The following NUBP1 variants were observed in gnomAD, a reference collection of about 807,000 sequenced individuals.
The protein encoded by NUBP1 is cytosolic Fe-S cluster assembly factor NUBP1.
Under a neutral mutation model 41.8 loss-of-function variants are expected in NUBP1, and 46 were observed. The ratio of observed to expected loss-of-function variants is 1.10; its 90% confidence interval spans 0.87 to 1.41. NUBP1 has a LOEUF of 1.41. Ranked by LOEUF, NUBP1 falls within the 40% of genes most tolerant of loss-of-function variation. The probability of loss-of-function intolerance (pLI) is 0.00; values close to 1 mark genes in which losing one functional copy is unlikely to be tolerated. For missense variants in NUBP1, 494 were observed against 414.0 expected (o/e 1.19, Z -1.68); for synonymous variants, 189 against 154.6 (o/e 1.22, Z -1.65).
At chr16:10,745,488 T>C (rs892850876) in intron 2 of NUBP1, among the ~76,000 whole-genome samples, 1 of 152,062 alleles carries the variant, frequency 6.6e-6, no homozygotes, top group African/African-American at 2.4e-5. Flanking sequence ...AAAATAGTTA[T>C]CTCTGTCAAT....
At chr16:10,758,063 G>A (rs575847395) in intron 7 of NUBP1, 36 bp downstream of exon 7, 1 of 1,603,430 alleles carries the variant, frequency 6.2e-7, no homozygotes, top group East Asian at 2.2e-5. Context: ...GGTCCAAACT[G>A]TGCTCCACAC....
At position 10,759,699 on chromosome 16, in the gene NUBP1, C is replaced by A. The variant is rs1032058807; in HGVS notation, c.607-1665C>A. Among the ~76,000 whole-genome samples, 2 of 152,152 alleles carry A rather than the reference C, an allele frequency of 1.3e-5. No individual in the cohort carries two copies. Among genetic ancestry groups the A allele is most frequent in the African/African-American group, 4.8e-5 (2 of 41,450 alleles). ...GCTGAGGTGGGAGAAGTGCTTGAAT[C>A]CAGGAGACAGAGGTTGCAGTGAGCC... On this transcript the variant is annotated intron_variant, in intron 7 of 10. Coordinates refer to ENST00000283027, the MANE Select transcript of NUBP1 (RefSeq NM_002484.4). This position sits in a 1 kb window ranked among gnomAD's most constrained non-coding sequence, Gnocchi z 4.7.
Position 10,767,496 on chromosome 16 carries a change from A to G in NUBP1, c.821-453A>G, listed in dbSNP as rs2031070970. 4.7e-6 allele frequency: 2 copies of G among 429,024 alleles called. No individual in the cohort carries two copies. The highest frequency in any genetic ancestry group is 8.2e-6 in the Non-Finnish European group (2 of 245,008). 26.6% of individuals were successfully genotyped at this position (429,024 alleles called of 1,614,324 possible). A position where few individuals can be genotyped will look rare whatever the true frequency, so the allele number is the denominator to read the frequency against. ...TGTGTATGTGTGTGCGCACACATGC[A>G]AGTGTGCACATTTATATGCGCATAA... On this transcript the variant is annotated intron_variant, in intron 9 of 10. Transcript: ENST00000283027. This position sits in a 1 kb window ranked among gnomAD's most constrained non-coding sequence, Gnocchi z 4.6.
chr16:10,750,459 C>T lies in NUBP1; in HGVS notation c.259-2151C>T, dbSNP rs557473251. On this transcript the variant is annotated intron_variant, in intron 3 of 10. Transcript: ENST00000283027. The stretch of plus-strand genomic sequence containing the variant: ...GTTTCACTATGTTTGCCAGGCTAGT[C>T]TCGAACTCCTGACCTCAGGTGATCC... 1.4e-3 allele frequency among the ~76,000 whole-genome samples: 213 copies of T among 152,204 alleles called. 1 individual carries two copies. The highest frequency in any genetic ancestry group is 4.8e-3 in the African/African-American group (200 of 41,534).
Position 10,769,267 on chromosome 16 carries a change from G to A in NUBP1, c.*162G>A. ...TTCTCAGAGACACTTTAATCATTGA[G>A]TATTTGTACACTTTTCTTTAGAACA... On this transcript the variant is annotated 3_prime_UTR_variant, in exon 11 of 11. Coordinates refer to ENST00000283027, the MANE Select transcript of NUBP1 (RefSeq NM_002484.4). The A allele has an allele frequency of 1.6e-6, 1 of 606,902 alleles. No individual in the cohort carries two copies. The highest frequency in any genetic ancestry group is 2.9e-6 in the Non-Finnish European group (1 of 339,662). The allele number at this position is 606,902 out of a possible 1,614,324, so 37.6% of individuals were successfully genotyped here.
At chr16:10,764,035 G>A (rs2030445548) in intron 9 of NUBP1, among the ~76,000 whole-genome samples, 2 of 152,198 alleles carry the variant, frequency 1.3e-5, no homozygotes, top group South Asian at 4.2e-4. Context: ...TCAGCCCATG[G>A]GAGCATCCCA....
At chr16:10,762,907 GGA>G (rs2030218734) in intron 9 of NUBP1, among the ~76,000 whole-genome samples, 1 of 152,160 alleles carries the variant, frequency 6.6e-6, no homozygotes, top group Non-Finnish European at 1.5e-5. Context: ...GGGGAGAATG[GGA>G]GCCTGTGGGA....
At chr16:10,747,086 G>A (rs1212174833) in intron 2 of NUBP1, 57 bp from the exon 3 acceptor site, 58 of 1,601,942 alleles carry the variant, frequency 3.6e-5, no homozygotes, top group East Asian at 2.7e-4. Flanking sequence ...GACTGGAAGC[G>A]TGACATTCGA....
At position 10,761,556 on chromosome 16, in the gene NUBP1, A is replaced by T. The variant is rs557280291; in HGVS notation, c.717+82A>T. ...CGATCGGAAGGCTGCTCTGCAAACT[A>T]TTTCTGCTTTCCCTGTCATTTTGGG... On this transcript the variant is annotated intron_variant, in intron 8 of 10. Coordinates refer to ENST00000283027, the MANE Select transcript of NUBP1 (RefSeq NM_002484.4). 16 of 1,222,062 alleles carry T rather than the reference A, an allele frequency of 1.3e-5. No homozygotes were observed. The Admixed American group carries it at 3.1e-4, about 23-fold the overall frequency. The allele number at this position is 1,222,062 out of a possible 1,614,324, so 75.7% of individuals were successfully genotyped here.
chr16:10,756,779 C>T lies in NUBP1; in HGVS notation c.450C>T (p.Asn150=), dbSNP rs143877626. ...DAVIWRGPKK[N]GMIKQFLRDV... Reference sequence around the variant, plus strand: ...TTATCTGGAGGGGACCCAAGAAAAACGGTTTGCCACTCTGCCTTTTTTTGT... The same window carrying T: ...TTATCTGGAGGGGACCCAAGAAAAATGGTTTGCCACTCTGCCTTTTTTTGT... The change falls in exon 6 of 11, where the codon AAC becomes AAT. Residue 150 remains asparagine (N), a splice_region_variant and synonymous_variant. Transcript: ENST00000283027. 1.0e-4 allele frequency: 161 copies of T among 1,590,350 alleles called. No homozygotes were observed. Among genetic ancestry groups the T allele is most frequent in the African/African-American group, 4.2e-4 (31 of 73,264 alleles).
chr16:10,744,401 GA>G, intron 2 of NUBP1, among the ~76,000 whole-genome samples: 1 of 152,324 alleles, frequency 6.6e-6, no homozygotes, highest in African/African-American at 2.4e-5. Flanking sequence ...AGACCGCAGA[GA>G]AAAACGGGAT....
In NUBP1 at chr16:10,768,393, G is replaced by T; in HGVS notation, c.904+361G>T. The stretch of plus-strand genomic sequence containing the variant: ...GGAGGCAGGCAGATCACTTGAGGCT[G>T]GTCAGGAGTTCAAGACCAGCCTGGC... On this transcript the variant is annotated intron_variant, in intron 10 of 10. Transcript: ENST00000283027. This position sits in a 1 kb window ranked among gnomAD's most constrained non-coding sequence, Gnocchi z 4.3. The T allele has an allele frequency of 5.8e-6, 1 of 171,878 alleles. No homozygotes were observed. 10.6% of individuals were successfully genotyped at this position (171,878 alleles called of 1,614,324 possible).
In NUBP1 at chr16:10,769,174, C is replaced by A. The variant is rs774868931; in HGVS notation, c.*69C>A. 8 of 1,450,896 alleles carry A rather than the reference C, an allele frequency of 5.5e-6. No homozygotes were observed. Among genetic ancestry groups the A allele is most frequent in the African/African-American group, 1.4e-5 (1 of 71,150 alleles). 89.9% of individuals were successfully genotyped at this position (1,450,896 alleles called of 1,614,324 possible). ...TCACTGGGCAGCACATCCAGCCAGACCCGACCAGCTCCGGGATGGGGTGGG... is the reference window on the plus strand; with the variant it reads ...TCACTGGGCAGCACATCCAGCCAGAACCGACCAGCTCCGGGATGGGGTGGG... On this transcript the variant is annotated 3_prime_UTR_variant, in exon 11 of 11. Transcript: ENST00000283027.
In NUBP1 at chr16:10,766,698, A is replaced by G. The variant is rs1219926820; in HGVS notation, c.821-1251A>G. On this transcript the variant is annotated intron_variant, in intron 9 of 10. Transcript: ENST00000283027. The surrounding 1 kb of genome is among the most constrained non-coding windows in gnomAD (Gnocchi z 4.8). ...AAGAAAGGAAGGAAGGAAGGGATTT[A>G]TTGAAAATGAAAGTCAACTCCACGG... is the stretch of plus-strand genomic sequence containing the variant. The G allele has an allele frequency of 5.4e-6, 2 of 372,528 alleles. No homozygotes were observed. The highest frequency in any genetic ancestry group is 9.5e-6 in the Non-Finnish European group (2 of 210,296). The allele number at this position is 372,528 out of a possible 1,614,324, so 23.1% of individuals were successfully genotyped here. A position where few individuals can be genotyped will look rare whatever the true frequency, so the allele number is the denominator to read the frequency against.
In NUBP1 at chr16:10,765,201, GAA is replaced by G. The variant is rs1240990400; in HGVS notation, c.821-2746_821-2745del. ...TTTTCCAAGGTTTAATGAAGAGCTA[GAA>G]ATCTATATCCTTACCCAAAGTCTCC... On this transcript the variant is annotated intron_variant, in intron 9 of 10. Transcript: ENST00000283027. The surrounding 1 kb of genome is among the most constrained non-coding windows in gnomAD (Gnocchi z 4.0). 6.6e-6 allele frequency: 1 copy of G among 152,108 alleles called. No homozygotes were observed. Among genetic ancestry groups the G allele is most frequent in the Admixed American group, 6.6e-5 (1 of 15,214 alleles). The allele number at this position is 152,108 out of a possible 1,614,324, so 9.4% of individuals were successfully genotyped here.
rs58201009 is a variant in NUBP1, at chr16:10,749,126, TAC to T, written c.258+1893_258+1894del. 0.022 allele frequency among the ~76,000 whole-genome samples: 2,633 copies of T among 120,968 alleles called. 53 individuals carry two copies. The highest frequency in any genetic ancestry group is 0.029 in the Non-Finnish European group (1,600 of 55,276). The allele number at this position is 120,968 out of a possible 152,430, so 79.4% of individuals were successfully genotyped here. ...GGATATAGATAGATACACAGACACATACACACACACACACACACACACACACA... is the reference window on the plus strand; with the variant it reads ...GGATATAGATAGATACACAGACACATACACACACACACACACACACACACA... On this transcript the variant is annotated intron_variant, in intron 3 of 10. Coordinates refer to ENST00000283027, the MANE Select transcript of NUBP1 (RefSeq NM_002484.4). The surrounding 1 kb of genome is among the most constrained non-coding windows in gnomAD (Gnocchi z 4.1).
In NUBP1 at chr16:10,755,733, G is replaced by A. The variant is rs1046801175; in HGVS notation, c.340G>A (p.Gly114Ser). 2 of 1,614,186 alleles carry A rather than the reference G, an allele frequency of 1.2e-6. No individual in the cohort carries two copies. The highest frequency in any genetic ancestry group is 1.1e-5 in the South Asian group (1 of 91,076). Residue 114 changes from glycine to serine, a missense_variant, in exon 5 of 11, where the codon GGC (glycine) becomes AGC (serine). Transcript: ENST00000283027. ...CATGTTCACACAGGTTCACCAGAGTGGCTCAGGCTGGTCTCCAGTGGTGAG... is the reference window on the plus strand; with the variant it reads ...CATGTTCACACAGGTTCACCAGAGTAGCTCAGGCTGGTCTCCAGTGGTGAG... Reference protein sequence around the residue: ...GLEGEQVHQSGSGWSPVYVED... With the variant: ...GLEGEQVHQSSSGWSPVYVED...
At chr16:10,754,004 C>T (rs1266857585) in intron 4 of NUBP1, among the ~76,000 whole-genome samples, 2 of 152,040 alleles carry the variant, frequency 1.3e-5, no homozygotes, top group African/African-American at 2.4e-5. Context: ...GGTCACATAC[C>T]CCAATGGATT....
At chr16:10,744,674 G>T (rs1182669587) in intron 2 of NUBP1, among the ~76,000 whole-genome samples, 1 of 152,218 alleles carries the variant, frequency 6.6e-6, no homozygotes, top group Non-Finnish European at 1.5e-5. Flanking sequence ...GTGAAGCACA[G>T]ATTCCAGGAT....
Sources: allele counts gnomAD v4.1 joint callset (sites outside exome capture counted in the v4.1 genomes callset), GRCh38; gene constraint gnomAD v4.1.1; non-coding constraint Gnocchi (gnomAD v3.1); transcripts MANE v1.5; gene names NCBI Gene and HGNC (gene_info 2026-07-23, HGNC 2026-07-21).